The following DAB2IP variants were observed in gnomAD, a reference collection of about 807,000 sequenced individuals.
DAB2IP encodes the protein disabled homolog 2-interacting protein.
In DAB2IP, 28 loss-of-function variants were observed where a neutral mutation model predicts 107.2. That is an observed-to-expected ratio of 0.26 (90% confidence interval 0.19 to 0.36). The LOEUF is 0.36. Ranked by LOEUF, DAB2IP falls within the 10% of genes least tolerant of loss-of-function variation. The pLI, the probability that DAB2IP is intolerant of heterozygous loss-of-function variation, is 1.00. For synonymous variants in DAB2IP, 755 were observed against 706.4 expected, an observed-to-expected ratio of 1.07 and a Z score of -1.09; for missense variants, 1,400 against 1,644.7, an observed-to-expected ratio of 0.85 and a Z score of 2.57.
chr9:121,748,931 G>A (rs1832906139), intron 3 of DAB2IP, among the ~76,000 whole-genome samples: 1 of 152,168 alleles, frequency 6.6e-6, no homozygotes, highest in Admixed American at 6.5e-5. Flanking sequence ...TGTGTATGGG[G>A]GCGTCACAAC....
At chr9:121,603,082 C>T (rs1830742849) in intron 1 of DAB2IP, among the ~76,000 whole-genome samples, 1 of 152,212 alleles carries the variant, frequency 6.6e-6, no homozygotes, top group Non-Finnish European at 1.5e-5. Flanking sequence ...CCCTCAACAC[C>T]TTCTTCCTCC....
Position 121,760,322 on chromosome 9 carries a change from C to T in DAB2IP, c.1053C>T (p.His351=). 3 of 1,613,618 alleles carry T rather than the reference C, an allele frequency of 1.9e-6. No individual in the cohort carries two copies. Among genetic ancestry groups the T allele is most frequent in the Non-Finnish European group, 2.5e-6 (3 of 1,180,032 alleles). The change falls in exon 6 of 16, where the codon CAC becomes CAT. Residue 351 remains histidine (H), a synonymous_variant. Transcript: ENST00000408936. This position sits in a 1 kb window ranked among gnomAD's most constrained non-coding sequence, Gnocchi z 5.9. ...AGATGTACAAAGAGTTCGCTGAGCACATCACCAACCACTACCTGGGGCTGT... is the reference window on the plus strand; with the variant it reads ...AGATGTACAAAGAGTTCGCTGAGCATATCACCAACCACTACCTGGGGCTGT...
At chr9:121,775,204 C>G (rs1168747706) in intron 13 of DAB2IP, among the ~76,000 whole-genome samples, 2 of 152,196 alleles carry the variant, frequency 1.3e-5, no homozygotes, top group Non-Finnish European at 2.9e-5. Context: ...TCTCCACTCC[C>G]CTCTGGATGC....
intron 1 of DAB2IP, among the ~76,000 whole-genome samples, chr9:121,676,113 T>A (rs1833893383): frequency 1.3e-5 from 2 of 152,168 alleles, no homozygotes; most frequent in Admixed American, 1.3e-4. Flanking sequence ...GGACCTGGTG[T>A]CAATGCCTGC....
chr9:121,679,532 G>A (rs184412258), intron 2 of DAB2IP, among the ~76,000 whole-genome samples: 1 of 152,100 alleles, frequency 6.6e-6, no homozygotes, highest in East Asian at 1.9e-4. Flanking sequence ...CCAGGCACCA[G>A]AAACGCAGCG....
intron 3 of DAB2IP, among the ~76,000 whole-genome samples, chr9:121,752,459 A>C (rs1833189343): frequency 6.6e-6 from 1 of 152,202 alleles, no homozygotes. Flanking sequence ...CCTGCCTGAC[A>C]AGGAGCCAGT....
rs201915124 is a variant in DAB2IP at position 121,585,466 on chromosome 9, A to G, written c.40+18238A>G. On this transcript the variant is annotated intron_variant, in intron 1 of 16. Coordinates refer to the DAB2IP transcript ENST00000259371. ...TGATACGGATTAAAGCACTTAGAAC[A>G]GGGCTGCACGAGGGTTTGTTATCAT... 2.0e-5 allele frequency among the ~76,000 whole-genome samples: 3 copies of G among 152,218 alleles called. No homozygotes were observed. In the East Asian group the frequency reaches 5.8e-4, roughly 29 times the overall value.
rs1026419026 is a variant in DAB2IP, at chr9:121,742,714, C to G, written c.363-14299C>G. 7.1e-6 allele frequency: 7 copies of G among 985,502 alleles called. No homozygotes were observed. In the African/African-American group the frequency reaches 8.7e-5, roughly 12 times the overall value. 61.0% of individuals were successfully genotyped at this position (985,502 alleles called of 1,614,324 possible). On this transcript the variant is annotated intron_variant, in intron 3 of 15. Transcript: ENST00000408936. ...GGTTGCCCCCATCTGCCTTGGTTCCCTGCACCTGCCTTTTCTTCCCCGCAT... is the reference window on the plus strand; with the variant it reads ...GGTTGCCCCCATCTGCCTTGGTTCCGTGCACCTGCCTTTTCTTCCCCGCAT...
At chr9:121,580,326 C>T (rs939583077) in intron 1 of DAB2IP, among the ~76,000 whole-genome samples, 5 of 152,298 alleles carry the variant, frequency 3.3e-5, no homozygotes, top group South Asian at 4.2e-4. Flanking sequence ...AGTGACATCC[C>T]AGGGTGGAGA....
chr9:121,721,185 A>G (rs1385325659), intron 3 of DAB2IP, among the ~76,000 whole-genome samples: 1 of 152,168 alleles, frequency 6.6e-6, no homozygotes, highest in Non-Finnish European at 1.5e-5. Context: ...CTTCTGATGT[A>G]AAGATCAAAT....
intron 2 of DAB2IP, among the ~76,000 whole-genome samples, chr9:121,696,815 C>T (rs1053036419): frequency 6.6e-6 from 1 of 152,160 alleles, no homozygotes; most frequent in Non-Finnish European, 1.5e-5. Context: ...CTCTGGGGGA[C>T]ACAGGTCTCT....
chr9:121,737,807 AG>A (rs1206588790), intron 3 of DAB2IP: 11 of 983,880 alleles, frequency 1.1e-5, no homozygotes, highest in African/African-American at 1.7e-5. Context: ...GGGGTCAGAC[AG>A]GCTTTGGTCG....
At chr9:121,655,141 T>C (rs1338228729) in intron 1 of DAB2IP, among the ~76,000 whole-genome samples, 1 of 151,664 alleles carries the variant, frequency 6.6e-6, no homozygotes, top group East Asian at 1.9e-4. Flanking sequence ...AGCTGGAGGG[T>C]AGCTGGAGGT....
Position 121,776,311 on chromosome 9 carries a change from G to C in DAB2IP, c.3234G>C (p.Gln1078His). 1.9e-6 allele frequency: 3 copies of C among 1,567,930 alleles called. No homozygotes were observed. The South Asian group carries it at 3.5e-5, about 18-fold the overall frequency. The change falls in exon 14 of 16, where the codon CAG becomes CAC. Residue 1078 changes from glutamine to histidine, a missense_variant. By Grantham distance (24) the Gln-to-His change is conservative. Coordinates refer to ENST00000408936, the Ensembl canonical transcript of DAB2IP. The surrounding 1 kb of genome is among the most constrained non-coding windows in gnomAD (Gnocchi z 5.4). ...CGCAGAAGCTGGTGCTGGAGTACCAGGCACGGCTGGAGGAGGGCGAGGAGC... is the reference window on the plus strand; with the variant it reads ...CGCAGAAGCTGGTGCTGGAGTACCACGCACGGCTGGAGGAGGGCGAGGAGC...
intron 3 of DAB2IP, among the ~76,000 whole-genome samples, chr9:121,704,202 G>C (rs1225425959): frequency 6.6e-6 from 1 of 152,058 alleles, no homozygotes; most frequent in Non-Finnish European, 1.5e-5. Flanking sequence ...AGAATTACTA[G>C]GTCTAAAAAT....
Position 121,734,233 on chromosome 9 carries a change from C to T in DAB2IP, c.363-22780C>T, listed in dbSNP as rs571973884. On this transcript the variant is annotated intron_variant, in intron 3 of 15. Transcript: ENST00000408936. ...TCTACTAAAAATACAAAAAATTAGC[C>T]GGGCGCGGTGGCGGGCGCCTGTAGT... 1.1e-3 allele frequency among the ~76,000 whole-genome samples: 169 copies of T among 149,340 alleles called. 14 individuals carry two copies. The highest frequency in any genetic ancestry group is 3.9e-3 in the African/African-American group (154 of 39,002).
At chr9:121,763,914 C>T in intron 8 of DAB2IP, 35 bp downstream of exon 8, 3 of 1,605,960 alleles carry the variant, frequency 1.9e-6, no homozygotes, top group Non-Finnish European at 2.6e-6. Context: ...CACCCTGTCG[C>T]CTTCCCCATC....
rs989874144 is a variant in DAB2IP, at chr9:121,633,332, C to A, written c.41-45346C>A. 6.6e-6 allele frequency among the ~76,000 whole-genome samples: 1 copy of A among 152,062 alleles called. No homozygotes were observed. Among genetic ancestry groups the A allele is most frequent in the Non-Finnish European group, 1.5e-5 (1 of 68,006 alleles). On this transcript the variant is annotated intron_variant, in intron 1 of 16. Coordinates refer to the DAB2IP transcript ENST00000259371. This position sits in a 1 kb window ranked among gnomAD's most constrained non-coding sequence, Gnocchi z 5.1. ...AAATTAATCATGTGCACAAAGAGGG[C>A]CTTGTTCTCTCTTGTCAGAGCCAGG...
intron 12 of DAB2IP, among the ~76,000 whole-genome samples, chr9:121,773,761 GGA>G (rs887040890): frequency 4.6e-5 from 7 of 152,222 alleles, no homozygotes; most frequent in African/African-American, 1.4e-4. Context: ...AGAAAGAGGA[GGA>G]GAGTGCATTC....
Sources: gnomAD v4.1 joint callset for allele counts (sites outside exome capture counted in the v4.1 genomes callset) on GRCh38, gnomAD v4.1.1 for gene constraint, Gnocchi (gnomAD v3.1) non-coding constraint, MANE v1.5 for transcripts, NCBI Gene and HGNC (gene_info 2026-07-23, HGNC 2026-07-21) for gene names.